Variants in PPP2R2B observed in about 807,000 individuals in gnomAD.
PPP2R2B encodes serine/threonine-protein phosphatase 2A 55 kDa regulatory subunit B beta isoform.
In PPP2R2B, 5 loss-of-function variants were observed where a neutral mutation model predicts 46.0. That is an observed-to-expected ratio of 0.11 (90% CI 0.06 to 0.23). PPP2R2B has a LOEUF of 0.23. PPP2R2B is among the 10% of genes least tolerant of loss of function. PPP2R2B has a pLI of 1.00. For synonymous variants in PPP2R2B, 215 were observed against 206.7 expected (o/e 1.04, Z -0.34); for missense variants, 367 against 575.0 (o/e 0.64, Z 3.70).
At chr5:146,896,664 T>C (rs1459768864) in intron 1 of PPP2R2B, among the ~76,000 whole-genome samples, 3 of 152,188 alleles carry the variant, frequency 2.0e-5, no homozygotes, top group Non-Finnish European at 2.9e-5. Flanking sequence ...TGTTGTTTAA[T>C]TTTTTAAGCC....
chr5:146,645,914 C>G (rs137871002), intron 6 of PPP2R2B, among the ~76,000 whole-genome samples: 292 of 152,294 alleles, frequency 1.9e-3, no homozygotes, highest in African/African-American at 6.5e-3. Context: ...GTCATACTCT[C>G]TCCTGCCACA....
At chr5:146,715,960 C>T (rs1780474360) in intron 2 of PPP2R2B, among the ~76,000 whole-genome samples, 1 of 152,176 alleles carries the variant, frequency 6.6e-6, no homozygotes, top group Non-Finnish European at 1.5e-5. Flanking sequence ...TCCTCAGACT[C>T]TCAAAGCAAA....
intron 1 of PPP2R2B, among the ~76,000 whole-genome samples, chr5:146,980,614 G>A (rs61088380): frequency 0.18 from 28,076 of 152,100 alleles, 3,118 homozygotes; most frequent in East Asian, 0.31. Flanking sequence ...GGAACTAGAT[G>A]GGCTGGGAAA....
chr5:147,004,535 A>T (rs534438990), intron 1 of PPP2R2B, among the ~76,000 whole-genome samples: 1 of 152,296 alleles, frequency 6.6e-6, no homozygotes, highest in Admixed American at 6.5e-5. Flanking sequence ...ATAACCAGGT[A>T]TTTCTCCCAC....
At chr5:146,735,909 G>A (rs1379680564) in intron 2 of PPP2R2B, among the ~76,000 whole-genome samples, 1 of 152,122 alleles carries the variant, frequency 6.6e-6, no homozygotes, top group Non-Finnish European at 1.5e-5. Context: ...AATATGTGGT[G>A]GGCATTATTA....
intron 2 of PPP2R2B, among the ~76,000 whole-genome samples, chr5:146,815,784 T>G (rs996844938): frequency 1.4e-4 from 21 of 152,232 alleles, no homozygotes; most frequent in Non-Finnish European, 2.6e-4. Flanking sequence ...AAATGCTAAC[T>G]CATGCTCAGA....
At chr5:146,875,103 T>C (rs112308435) in intron 2 of PPP2R2B, among the ~76,000 whole-genome samples, 24 of 152,338 alleles carry the variant, frequency 1.6e-4, no homozygotes, top group African/African-American at 4.6e-4. Context: ...AGGTTTTCCA[T>C]TGAATGTGTG....
At chr5:146,632,665 A>G (rs1774521555) in intron 7 of PPP2R2B, among the ~76,000 whole-genome samples, 1 of 152,232 alleles carries the variant, frequency 6.6e-6, no homozygotes, top group Non-Finnish European at 1.5e-5. Flanking sequence ...AAATAGAGTG[A>G]TGAGATTGAG....
intron 2 of PPP2R2B, among the ~76,000 whole-genome samples, chr5:146,877,067 T>C (rs1761936478): frequency 6.6e-6 from 1 of 152,240 alleles, no homozygotes; most frequent in Non-Finnish European, 1.5e-5. Flanking sequence ...ACACTTTGTA[T>C]GAGTGGCTAA....
intron 5 of PPP2R2B, among the ~76,000 whole-genome samples, chr5:146,661,571 C>T (rs1776671942): frequency 6.6e-6 from 1 of 152,024 alleles, no homozygotes; most frequent in Non-Finnish European, 1.5e-5. Context: ...ATAAAAGCTG[C>T]CTGGGGAATT....
intron 2 of PPP2R2B, among the ~76,000 whole-genome samples, chr5:146,859,047 G>A (rs1469516680): frequency 2.0e-5 from 3 of 152,112 alleles, no homozygotes; most frequent in Non-Finnish European, 2.9e-5. Context: ...CATCTAGTTG[G>A]GAGTTTATTG....
At chr5:146,771,152 G>A (rs1298762827) in intron 2 of PPP2R2B, among the ~76,000 whole-genome samples, 1 of 152,132 alleles carries the variant, frequency 6.6e-6, no homozygotes, top group African/African-American at 2.4e-5. Flanking sequence ...TAGACCCAAA[G>A]CTCCCAGTGC....
chr5:146,906,925 C>CA (rs569587659), intron 1 of PPP2R2B, among the ~76,000 whole-genome samples: 379 of 152,214 alleles, frequency 2.5e-3, no homozygotes, highest in Non-Finnish European at 4.6e-3. Flanking sequence ...TTTAAAGAGA[C>CA]AATCTACTTC....
chr5:146,660,998 T>C (rs780136338), intron 5 of PPP2R2B, among the ~76,000 whole-genome samples: 1 of 152,136 alleles, frequency 6.6e-6, no homozygotes, highest in African/African-American at 2.4e-5. Flanking sequence ...GAGAAAGAAA[T>C]AGGGGCTCTA....
At chr5:146,737,274 A>T (rs1752588849) in intron 2 of PPP2R2B, among the ~76,000 whole-genome samples, 1 of 152,116 alleles carries the variant, frequency 6.6e-6, no homozygotes, top group South Asian at 2.1e-4. Flanking sequence ...TTCTAGTAGT[A>T]TTTTTTGGGT....
chr5:147,042,336 C>G (rs1252333311), intron 1 of PPP2R2B, among the ~76,000 whole-genome samples: 1 of 152,050 alleles, frequency 6.6e-6, no homozygotes, highest in Non-Finnish European at 1.5e-5. Flanking sequence ...CAAGCGGACT[C>G]AATTCGTTTC....
intron 5 of PPP2R2B, among the ~76,000 whole-genome samples, chr5:146,651,793 T>C (rs1775978289): frequency 6.6e-6 from 1 of 152,244 alleles, no homozygotes; most frequent in East Asian, 1.9e-4. Flanking sequence ...CTTCAACTTC[T>C]GGATTGGCTT....
chr5:147,010,339 G>A (rs778718434), intron 1 of PPP2R2B, among the ~76,000 whole-genome samples: 71 of 152,178 alleles, frequency 4.7e-4, no homozygotes, highest in Non-Finnish European at 9.0e-4. Context: ...GATGGTTCAA[G>A]TGCATTACAT....
intron 2 of PPP2R2B, among the ~76,000 whole-genome samples, chr5:146,704,897 T>G (rs1779743752): frequency 6.6e-6 from 1 of 152,236 alleles, no homozygotes; most frequent in South Asian, 2.1e-4. Context: ...AGTTCATCCC[T>G]AGTCTCTTGC....
Sources: allele counts gnomAD v4.1 joint callset (sites outside exome capture counted in the v4.1 genomes callset), GRCh38; gene constraint gnomAD v4.1.1; transcripts MANE v1.5; gene names NCBI Gene and HGNC (gene_info 2026-07-23, HGNC 2026-07-21).